NRK: variants seen among roughly 807,000 people sequenced by gnomAD.
NRK encodes the protein Nik related kinase.
NRK carries 67 observed loss-of-function variants against 125.2 expected under a neutral mutation model. The ratio of observed to expected loss-of-function variants is 0.54; its 90% confidence interval spans 0.44 to 0.66. The LOEUF is 0.66. Ranked by LOEUF, NRK falls within the 30% of genes least tolerant of loss-of-function variation. The pLI is 0.00. For synonymous variants in NRK, 458 were observed against 429.0 expected (o/e 1.07, Z -0.84); for missense variants, 1,224 against 1,192.9 (o/e 1.03, Z -0.38).
chrX:105,922,772 G>A (rs188987971), intron 17 of NRK, among the ~76,000 whole-genome samples: 5 of 111,578 alleles, frequency 4.5e-5, no homozygotes, highest in Non-Finnish European at 9.4e-5. Flanking sequence ...TAATCCCAAT[G>A]TCAGGGGATA....
intron 16 of NRK, among the ~76,000 whole-genome samples, chrX:105,918,125 A>G (rs1389568244): frequency 9.0e-6 from 1 of 111,633 alleles, no homozygotes; most frequent in African/African-American, 3.3e-5. Context: ...AATATCCCTA[A>G]ATGTTACAGA....
At chrX:105,823,858 C>T (rs1407492327) in intron 1 of NRK, among the ~76,000 whole-genome samples, 1 of 112,109 alleles carries the variant, frequency 8.9e-6, no homozygotes, top group Non-Finnish European at 1.9e-5. Context: ...AAGCAGGCAC[C>T]GCGCTGGAAT....
In NRK at chrX:105,953,755, C is replaced by T. The variant is rs367991; in HGVS notation, c.4653+582C>T. 6.9e-3 allele frequency among the ~76,000 whole-genome samples: 763 copies of T among 111,371 alleles called. 8 individuals carry two copies. Among genetic ancestry groups the T allele is most frequent in the South Asian group, 0.06 (158 of 2,654 alleles). On this transcript the variant is annotated intron_variant, in intron 28 of 28. Transcript: ENST00000243300. ...ATTTGATCAATTTTAACAACTAATTCAAATAGTTTAGATGGAAAATTTCAT... is the reference window on the plus strand; with the variant it reads ...ATTTGATCAATTTTAACAACTAATTTAAATAGTTTAGATGGAAAATTTCAT...
intron 4 of NRK, among the ~76,000 whole-genome samples, chrX:105,886,767 A>T (rs1027011472): frequency 2.7e-5 from 3 of 109,364 alleles, no homozygotes; most frequent in Non-Finnish European, 3.8e-5. Flanking sequence ...GAAAAAAATA[A>T]AAATAAATAA....
Position 105,956,547 on chromosome X carries a change from T to A in NRK, c.*947T>A. 8.9e-6 allele frequency: 1 copy of A among 112,256 alleles called. No homozygotes were observed. The highest frequency in any genetic ancestry group is 9.5e-5 in the Admixed American group (1 of 10,500). 9.3% of individuals were successfully genotyped at this position (112,256 alleles called of 1,213,427 possible). Reference sequence around the variant, plus strand: ...AGACTACACAAAAGCTTCCTTCCAGTATTAAACAAAAAGAATTAAACATAA... The same window carrying A: ...AGACTACACAAAAGCTTCCTTCCAGAATTAAACAAAAAGAATTAAACATAA... On this transcript the variant is annotated 3_prime_UTR_variant, in exon 29 of 29. Transcript: ENST00000243300.
At chrX:105,844,035 G>GTC (rs1569290087) in intron 2 of NRK, among the ~76,000 whole-genome samples, 12 of 107,384 alleles carry the variant, frequency 1.1e-4, no homozygotes, top group African/African-American at 2.4e-4. Context: ...GTGTGTGTGT[G>GTC]TGTGTGTCTG....
chrX:105,889,613 A>G (rs2039991584), intron 5 of NRK, among the ~76,000 whole-genome samples: 1 of 112,563 alleles, frequency 8.9e-6, no homozygotes, highest in Non-Finnish European at 1.9e-5. Context: ...AGGAGTTTCC[A>G]TACATCTTCT....
At chrX:105,942,341 T>C (rs1716378435) in intron 23 of NRK, among the ~76,000 whole-genome samples, 1 of 111,974 alleles carries the variant, frequency 8.9e-6, no homozygotes, top group Non-Finnish European at 1.9e-5. Flanking sequence ...CCGTTTCACA[T>C]TGCTATCTGT....
intron 2 of NRK, among the ~76,000 whole-genome samples, chrX:105,832,708 A>G (rs899908227): frequency 1.8e-5 from 2 of 111,075 alleles, no homozygotes; most frequent in African/African-American, 6.6e-5. Flanking sequence ...GGAAAGGAGT[A>G]TGCTTTTTAA....
At chrX:105,928,933 C>T (rs1453876070) in intron 19 of NRK, among the ~76,000 whole-genome samples, 2 of 111,542 alleles carry the variant, frequency 1.8e-5, no homozygotes, top group East Asian at 2.8e-4. Flanking sequence ...GTTTCATGTG[C>T]TGATGAAAAT....
chrX:105,838,122 C>T (rs1375263499), intron 2 of NRK, among the ~76,000 whole-genome samples: 1 of 112,009 alleles, frequency 8.9e-6, no homozygotes, highest in Non-Finnish European at 1.9e-5. Flanking sequence ...TATTCTTATT[C>T]TTACTGTCAT....
chrX:105,861,697 T>C (rs973876034), intron 2 of NRK, among the ~76,000 whole-genome samples: 25 of 112,409 alleles, frequency 2.2e-4, no homozygotes, highest in Non-Finnish European at 4.1e-4. Flanking sequence ...AGGGTTTATT[T>C]AATATATTTT....
chrX:105,879,149 C>T (rs1453668194), intron 2 of NRK, among the ~76,000 whole-genome samples: 1 of 110,622 alleles, frequency 9.0e-6, no homozygotes, highest in Non-Finnish European at 1.9e-5. Flanking sequence ...GTTCAAATCT[C>T]CCTTCCTTTC....
chrX:105,927,431 T>C (rs2040538911), intron 19 of NRK, among the ~76,000 whole-genome samples: 1 of 111,560 alleles, frequency 9.0e-6, no homozygotes, highest in South Asian at 3.7e-4. Flanking sequence ...AAACAGACAC[T>C]CTTTGACTTC....
intron 6 of NRK, chrX:105,895,155 T>C: frequency 8.3e-6 from 4 of 484,358 alleles, no homozygotes; most frequent in Non-Finnish European, 1.5e-5. Flanking sequence ...AAAAGGAAGG[T>C]AAAGTGGCCC....
chrX:105,873,687 C>T (rs1219634707), intron 2 of NRK, among the ~76,000 whole-genome samples: 1 of 111,362 alleles, frequency 9.0e-6, no homozygotes, highest in Non-Finnish European at 1.9e-5. Flanking sequence ...GTGTCTGTGC[C>T]TTCCTGCTCA....
chrX:105,900,533 C>A, intron 8 of NRK, 85 bp from the exon 9 acceptor site: 1 of 588,385 alleles, frequency 1.7e-6, no homozygotes, highest in Non-Finnish European at 2.8e-6. Context: ...GACATCCACA[C>A]CCCCAGCTAA....
At chrX:105,880,707 T>C (rs1053973487) in intron 3 of NRK, among the ~76,000 whole-genome samples, 2 of 111,516 alleles carry the variant, frequency 1.8e-5, no homozygotes, top group African/African-American at 6.5e-5. Context: ...TTATCAGAAA[T>C]GCACATTTTT....
chrX:105,852,895 T>A (rs977472981), intron 2 of NRK, among the ~76,000 whole-genome samples: 4 of 111,924 alleles, frequency 3.6e-5, no homozygotes, highest in African/African-American at 6.5e-5. Flanking sequence ...ACAGTCTTGA[T>A]GGCAAAGGAG....
Sources: gnomAD v4.1 joint callset for allele counts (sites outside exome capture counted in the v4.1 genomes callset) on GRCh38, gnomAD v4.1.1 for gene constraint, MANE v1.5 for transcripts, NCBI Gene and HGNC (gene_info 2026-07-23, HGNC 2026-07-21) for gene names.